Variants in GFRAL observed in about 807,000 individuals in gnomAD.
GFRAL encodes GDNF family receptor alpha-like.
A neutral mutation model predicts 45.4 loss-of-function variants in GFRAL; 36 were observed. The observed-to-expected ratio is 0.79, with a 90% CI of 0.61 to 1.05. The LOEUF is 1.05. Ranked by LOEUF, GFRAL falls within the 50% of genes least tolerant of loss-of-function variation. The probability of loss-of-function intolerance (pLI) is 0.00; values close to 1 mark genes in which losing one functional copy is unlikely to be tolerated. For synonymous variants in GFRAL, 166 were observed against 154.1 expected (o/e 1.08, Z -0.57); for missense variants, 507 against 467.5 (o/e 1.08, Z -0.78).
At chr6:55,360,395 CATCTAT>C (rs10555370) in intron 6 of GFRAL, among the ~76,000 whole-genome samples, 24,580 of 151,710 alleles carry the variant, frequency 0.16, 2,252 homozygotes, top group African/African-American at 0.25. Context: ...TCTATATCTA[CATCTAT>C]ATCTATATCT....
At chr6:55,381,641 A>G (rs1466141293) in intron 6 of GFRAL, among the ~76,000 whole-genome samples, 1 of 151,936 alleles carries the variant, frequency 6.6e-6, no homozygotes, top group Non-Finnish European at 1.5e-5. Flanking sequence ...TTTTAAACTT[A>G]ATTTTACCAA....
intron 6 of GFRAL, among the ~76,000 whole-genome samples, chr6:55,370,177 A>C (rs1044738386): frequency 6.6e-6 from 1 of 151,980 alleles, no homozygotes; most frequent in Admixed American, 6.6e-5. Context: ...TATGAAAAAT[A>C]ATTATATTTA....
chr6:55,396,876 C>CTT (rs369457794), intron 6 of GFRAL, among the ~76,000 whole-genome samples: 46 of 127,872 alleles, frequency 3.6e-4, no homozygotes, highest in South Asian at 1.0e-3. Context: ...AAGGGGGAAG[C>CTT]TTTTTTTTTT....
rs1272391249 is a variant in GFRAL at position 55,366,796 on chromosome 6, G to A, written c.952+7658G>A. On this transcript the variant is annotated intron_variant, in intron 6 of 8. Transcript: ENST00000340465. The stretch of plus-strand genomic sequence containing the variant: ...TGAGTTCTAGTTTGATTGCACTGTG[G>A]TCTGAGAGATAGTTTGTTATAATTT... Among the ~76,000 whole-genome samples the A allele has an allele frequency of 1.2e-3, 143 of 116,110 alleles. 15 individuals carry two copies. Among genetic ancestry groups the A allele is most frequent in the African/African-American group, 5.5e-3 (137 of 24,910 alleles). The allele number at this position is 116,110 out of a possible 152,430, so 76.2% of individuals were successfully genotyped here.
In GFRAL at chr6:55,379,735, C is replaced by T. The variant is rs542792603; in HGVS notation, c.953-19445C>T. Among the ~76,000 whole-genome samples, 32 of 151,942 alleles carry T rather than the reference C, an allele frequency of 2.1e-4. 1 individual carries two copies. In the South Asian group the frequency reaches 6.4e-3, roughly 31 times the overall value. On this transcript the variant is annotated intron_variant, in intron 6 of 8. Coordinates refer to ENST00000340465, the MANE Select transcript of GFRAL (RefSeq NM_207410.2). ...ATATATCATCATTAACTATAGTCAC[C>T]ATGTTGTACAATACATCTCCTGAAT...
intron 5 of GFRAL, among the ~76,000 whole-genome samples, chr6:55,357,437 G>GT (rs1329770252): frequency 6.6e-6 from 1 of 151,320 alleles, no homozygotes; most frequent in South Asian, 2.1e-4. Flanking sequence ...TCTTTTTATA[G>GT]TTTTTTTCTT....
In GFRAL at chr6:55,397,345, C is replaced by T. The variant is rs1238098695; in HGVS notation, c.953-1835C>T. On this transcript the variant is annotated intron_variant, in intron 6 of 8. Coordinates refer to ENST00000340465, the MANE Select transcript of GFRAL (RefSeq NM_207410.2). ...CATCCTGGCTAACAAGGTGAAACCC[C>T]GTCTCTACTAAAAATACAAAAAATT... 1.4e-5 allele frequency among the ~76,000 whole-genome samples: 2 copies of T among 141,802 alleles called. 1 individual carries two copies. The highest frequency in any genetic ancestry group is 3.1e-5 in the Non-Finnish European group (2 of 64,542). The allele number at this position is 141,802 out of a possible 152,430, so 93.0% of individuals were successfully genotyped here. A position where few individuals can be genotyped will look rare whatever the true frequency, so the allele number is the denominator to read the frequency against.
At chr6:55,356,496 A>G (rs895471405) in intron 5 of GFRAL, among the ~76,000 whole-genome samples, 2 of 151,936 alleles carry the variant, frequency 1.3e-5, no homozygotes, top group African/African-American at 4.8e-5. Context: ...GTATTGGCAT[A>G]TATTTGCTCA....
intron 1 of GFRAL, among the ~76,000 whole-genome samples, chr6:55,330,290 TACTG>T (rs1767812879): frequency 6.6e-6 from 1 of 152,132 alleles, no homozygotes; most frequent in Non-Finnish European, 1.5e-5. Flanking sequence ...TGAATACCTA[TACTG>T]CATCACTGTG....
At chr6:55,383,588 T>C (rs907972781) in intron 6 of GFRAL, among the ~76,000 whole-genome samples, 2 of 152,010 alleles carry the variant, frequency 1.3e-5, no homozygotes, top group Non-Finnish European at 2.9e-5. Flanking sequence ...CCTAGATCTG[T>C]AGTAGGCTAT....
chr6:55,397,245 G>A (rs1460497954), intron 6 of GFRAL, among the ~76,000 whole-genome samples: 2 of 139,328 alleles, frequency 1.4e-5, no homozygotes, highest in Non-Finnish European at 3.1e-5. Context: ...CCGGCCGGGC[G>A]CGGTGGCTCA....
At chr6:55,352,937 A>G (rs1339342985) in intron 5 of GFRAL, among the ~76,000 whole-genome samples, 1 of 152,068 alleles carries the variant, frequency 6.6e-6, no homozygotes, top group East Asian at 1.9e-4. Flanking sequence ...GAGAGAAGAC[A>G]GATATTAAAT....
intron 6 of GFRAL, among the ~76,000 whole-genome samples, chr6:55,375,542 C>T (rs929059084): frequency 2.6e-5 from 4 of 152,068 alleles, no homozygotes; most frequent in Admixed American, 6.6e-5. Flanking sequence ...ATGGTGTTCC[C>T]TAGATATAGG....
rs1287705965 is a variant in GFRAL at position 55,385,664 on chromosome 6, C to G, written c.953-13516C>G. ...ACTGCTCTCGTCTAATGATATAAAT[C>G]TTATAATTGTCAATTGATTATAAAT... On this transcript the variant is annotated intron_variant, in intron 6 of 8. Transcript: ENST00000340465. Among the ~76,000 whole-genome samples, 12 of 152,080 alleles carry G rather than the reference C, an allele frequency of 7.9e-5. No homozygotes were observed. The East Asian group carries it at 2.3e-3, about 29-fold the overall frequency.
intron 6 of GFRAL, among the ~76,000 whole-genome samples, chr6:55,392,627 G>A (rs1035798778): frequency 1.3e-5 from 2 of 152,098 alleles, no homozygotes; most frequent in African/African-American, 4.8e-5. Flanking sequence ...AATAAGAATA[G>A]CACTTGAAAG....
At chr6:55,328,971 G>C (rs1202635966) in intron 1 of GFRAL, among the ~76,000 whole-genome samples, 2 of 151,992 alleles carry the variant, frequency 1.3e-5, no homozygotes, top group Non-Finnish European at 2.9e-5. Flanking sequence ...TAAAATCTCA[G>C]AACATTTAGT....
intron 6 of GFRAL, among the ~76,000 whole-genome samples, chr6:55,393,420 T>TA (rs1018815837): frequency 5.9e-5 from 9 of 152,236 alleles, no homozygotes; most frequent in African/African-American, 1.2e-4. Context: ...CTGCCTCTTC[T>TA]AAAAAAGACG....
At chr6:55,376,648 T>C (rs925187427) in intron 6 of GFRAL, among the ~76,000 whole-genome samples, 10 of 152,094 alleles carry the variant, frequency 6.6e-5, no homozygotes, top group Admixed American at 2.0e-4. Flanking sequence ...GTTTATAGTA[T>C]TCTGTAATGT....
chr6:55,365,631 T>C (rs1324337684), intron 6 of GFRAL, among the ~76,000 whole-genome samples: 1 of 130,908 alleles, frequency 7.6e-6, no homozygotes, highest in Non-Finnish European at 1.6e-5. Flanking sequence ...CCTAATTTAT[T>C]GAGAGTTTTT....
Sources: allele counts gnomAD v4.1 joint callset (sites outside exome capture counted in the v4.1 genomes callset), GRCh38; gene constraint gnomAD v4.1.1; transcripts MANE v1.5; gene names NCBI Gene and HGNC (gene_info 2026-07-23, HGNC 2026-07-21).